Variants in SUPT20H observed in about 807,000 individuals in gnomAD.
SUPT20H encodes SPT20 homolog, SAGA complex component.
A neutral mutation model predicts 122.8 loss-of-function variants in SUPT20H; 82 were observed. That is an observed-to-expected ratio of 0.67 (90% CI 0.56 to 0.80). The LOEUF is 0.80. Ranked by LOEUF, SUPT20H falls within the 30% of genes least tolerant of loss-of-function variation. The probability of loss-of-function intolerance (pLI) is 0.00; values close to 1 mark genes in which losing one functional copy is unlikely to be tolerated. For missense variants in SUPT20H, 831 were observed against 921.6 expected (o/e 0.90, Z 1.27); for synonymous variants, 291 against 313.0 (o/e 0.93, Z 0.74).
At chr13:37,046,173 A>G (rs921499841) in intron 5 of SUPT20H, among the ~76,000 whole-genome samples, 29 of 152,132 alleles carry the variant, frequency 1.9e-4, no homozygotes, top group African/African-American at 7.0e-4. Context: ...ATAAATTCTT[A>G]ATCTGTCATC....
At chr13:37,013,382 CTTT>C (rs1013490006) in intron 23 of SUPT20H, 2 of 151,164 alleles carry the variant, frequency 1.3e-5, no homozygotes, top group Admixed American at 6.6e-5. Context: ...TTGTTGTTTT[CTTT>C]TTTTTCAACA....
intron 14 of SUPT20H, 107 bp downstream of exon 14, chr13:37,028,041 T>C (rs2062624663): frequency 2.8e-6 from 3 of 1,083,622 alleles, no homozygotes; most frequent in East Asian, 2.9e-5. Context: ...AATAAGTGAG[T>C]TCCCAAAGAG....
At chr13:37,057,286 C>T (rs540922093) in intron 1 of SUPT20H, among the ~76,000 whole-genome samples, 33 of 151,164 alleles carry the variant, frequency 2.2e-4, no homozygotes, top group Non-Finnish European at 2.9e-4. Flanking sequence ...AAGAGCAAGA[C>T]CCTGTCTCAA....
In SUPT20H at chr13:37,040,598, A is replaced by G. The variant is rs1199124920; in HGVS notation, c.491T>C (p.Ile164Thr). 1 of 1,614,126 alleles carries G rather than the reference A, an allele frequency of 6.2e-7. No homozygotes were observed. Among genetic ancestry groups the G allele is most frequent in the Admixed American group, 1.7e-5 (1 of 60,022 alleles). The change falls in exon 8 of 26, where the codon ATT becomes ACT. Residue 164 changes from isoleucine (I) to threonine (T), a missense_variant. Physicochemically the swap from Ile to Thr is moderately conservative, Grantham distance 89 (BLOSUM62 -1). Coordinates refer to ENST00000350612, the MANE Select transcript of SUPT20H (RefSeq NM_001014286.3). ...TACCTGCATTGTTGGACGTAAGAGA[A>G]TGTGCCGACTTTGGTAACCAGGAGA... ...MKSPGYQSRH[I>T]LLRPTMQTLI...
chr13:37,047,607 A>C lies in SUPT20H; in HGVS notation c.99-6T>G, dbSNP rs377217928. ...GTTTTTGAAATACAGATTTTCTAAAAAAATTTAATGAAACAAATATATAAA... is the reference window on the plus strand; with the variant it reads ...GTTTTTGAAATACAGATTTTCTAAACAAATTTAATGAAACAAATATATAAA... On this transcript the variant is annotated splice_region_variant and splice_polypyrimidine_tract_variant and intron_variant, in intron 4 of 25. Transcript: ENST00000350612. 70 of 1,384,088 alleles carry C rather than the reference A, an allele frequency of 5.1e-5. No individual in the cohort carries two copies. The African/African-American group carries it at 8.7e-4, about 17-fold the overall frequency. The allele number at this position is 1,384,088 out of a possible 1,614,324, so 85.7% of individuals were successfully genotyped here.
At chr13:37,025,662 T>C (rs766601808) in intron 16 of SUPT20H, among the ~76,000 whole-genome samples, 4 of 152,186 alleles carry the variant, frequency 2.6e-5, no homozygotes, top group Non-Finnish European at 4.4e-5. Flanking sequence ...TCTAAAGATA[T>C]ACTTTCAATA....
chr13:37,037,158 A>G (rs1393827371), intron 9 of SUPT20H, among the ~76,000 whole-genome samples: 1 of 149,820 alleles, frequency 6.7e-6, no homozygotes, highest in Non-Finnish European at 1.5e-5. Context: ...GATTGTGCCA[A>G]TGCACTGCAA....
chr13:37,040,554 T>C (rs2065288361), intron 8 of SUPT20H, 22 bp downstream of exon 8: 1 of 1,606,064 alleles, frequency 6.2e-7, no homozygotes, highest in Non-Finnish European at 8.5e-7. Context: ...TAAAATAGTA[T>C]TTCTTAATTA....
chr13:37,043,443 C>T (rs552975814), intron 7 of SUPT20H, among the ~76,000 whole-genome samples: 2 of 152,202 alleles, frequency 1.3e-5, no homozygotes, highest in African/African-American at 4.8e-5. Context: ...CAGTTTCTGG[C>T]CCCCAAGTGA....
chr13:37,029,241 C>G (rs1328308039), intron 13 of SUPT20H, among the ~76,000 whole-genome samples: 2 of 152,156 alleles, frequency 1.3e-5, no homozygotes, highest in Non-Finnish European at 2.9e-5. Flanking sequence ...TAAAATTGCT[C>G]TTTAAGGCTG....
chr13:37,057,376 A>G (rs971581983), intron 1 of SUPT20H, among the ~76,000 whole-genome samples: 1 of 152,282 alleles, frequency 6.6e-6, no homozygotes, highest in African/African-American at 2.4e-5. Context: ...TTTTTAATCT[A>G]TTCACCTAAC....
At position 37,017,234 on chromosome 13, in the gene SUPT20H, A is replaced by C. The variant is rs769230072; in HGVS notation, c.1992+11T>G. 6.2e-7 allele frequency: 1 copy of C among 1,613,944 alleles called. No individual in the cohort carries two copies. Among genetic ancestry groups the C allele is most frequent in the Non-Finnish European group, 8.5e-7 (1 of 1,179,940 alleles). ...GATGTAAAAGCATATGGAAGGCTAG[A>C]AAATCCATACCTGCTCCCCTGGCTG... On this transcript the variant is annotated intron_variant, in intron 23 of 25. Coordinates refer to ENST00000350612, the MANE Select transcript of SUPT20H (RefSeq NM_001014286.3).
chr13:37,047,929 A>G lies in SUPT20H; in HGVS notation c.47T>C (p.Ile16Thr). 1 of 1,603,278 alleles carries G rather than the reference A, an allele frequency of 6.2e-7. No homozygotes were observed. Among genetic ancestry groups the G allele is most frequent in the Non-Finnish European group, 8.5e-7 (1 of 1,174,898 alleles). Residue 16 changes from isoleucine (I) to threonine (T), a missense_variant, in exon 4 of 26, where the codon ATT (isoleucine) becomes ACT (threonine). By Grantham distance (89) the Ile-to-Thr change is moderately conservative. Transcript: ENST00000350612. ...AGGAGGTCTCTGTCGGGCACTTTCA[A>G]TGACATACTAAAAAACAAAAGTTTA... is the stretch of plus-strand genomic sequence containing the variant. The part of the protein sequence containing the change: ...ELALDRAEYV[I>T]ESARQRPPKR...
intron 1 of SUPT20H, among the ~76,000 whole-genome samples, chr13:37,058,302 C>T (rs900596307): frequency 1.3e-5 from 2 of 152,112 alleles, no homozygotes; most frequent in African/African-American, 4.8e-5. Context: ...TAATACAACA[C>T]AAACACAAGC....
chr13:37,056,137 A>C (rs972197136), intron 1 of SUPT20H, among the ~76,000 whole-genome samples: 3 of 152,222 alleles, frequency 2.0e-5, no homozygotes, highest in African/African-American at 7.2e-5. Context: ...GAGGATGTGG[A>C]GAAATAGGAA....
chr13:37,022,319 T>A lies in SUPT20H; in HGVS notation c.1592-239A>T, dbSNP rs2061555655. On this transcript the variant is annotated intron_variant, in intron 19 of 25. Coordinates refer to ENST00000350612, the MANE Select transcript of SUPT20H (RefSeq NM_001014286.3). The surrounding 1 kb of genome is among the most constrained non-coding windows in gnomAD (Gnocchi z 4.5). ...TAGATGGCTTAGGAGTTCCAGATCC[T>A]GCTCATTGAGAAAAATAAAAATTGC... The A allele has an allele frequency of 7.5e-7, 1 of 1,325,482 alleles. No individual in the cohort carries two copies. Among genetic ancestry groups the A allele is most frequent in the Non-Finnish European group, 9.7e-7 (1 of 1,036,014 alleles). The allele number at this position is 1,325,482 out of a possible 1,614,324, so 82.1% of individuals were successfully genotyped here. A position where few individuals can be genotyped will look rare whatever the true frequency, so the allele number is the denominator to read the frequency against.
chr13:37,050,347 CAAAAAAAAAA>C (rs61668901), intron 2 of SUPT20H, among the ~76,000 whole-genome samples: 1 of 76,998 alleles, frequency 1.3e-5, no homozygotes. Context: ...CTGTCACTAC[CAAAAAAAAAA>C]AAAAAAAAAA....
chr13:37,020,495 G>C (rs1006631048), intron 21 of SUPT20H, among the ~76,000 whole-genome samples: 1 of 152,120 alleles, frequency 6.6e-6, no homozygotes, highest in Non-Finnish European at 1.5e-5. Context: ...GACTTCTGTA[G>C]AACCCCAGTT....
At chr13:37,018,573 C>G (rs1157141508) in intron 22 of SUPT20H, among the ~76,000 whole-genome samples, 1 of 152,180 alleles carries the variant, frequency 6.6e-6, no homozygotes, top group Non-Finnish European at 1.5e-5. Flanking sequence ...TCACGTCTAT[C>G]CATTTTCCAA....
Sources: allele counts gnomAD v4.1 joint callset (sites outside exome capture counted in the v4.1 genomes callset), GRCh38; gene constraint gnomAD v4.1.1; non-coding constraint Gnocchi (gnomAD v3.1); transcripts MANE v1.5; gene names NCBI Gene and HGNC (gene_info 2026-07-23, HGNC 2026-07-21).